Variants in CADPS observed in about 807,000 individuals in gnomAD.
The protein encoded by CADPS is calcium dependent secretion activator.
In CADPS, 57 loss-of-function variants were observed where a neutral mutation model predicts 167.3. That is an observed-to-expected ratio of 0.34 (90% confidence interval 0.28 to 0.42). CADPS has a LOEUF of 0.42. Among genes scored for constraint, CADPS ranks in the 20% least tolerant of loss-of-function variants. The pLI, the probability that CADPS is intolerant of heterozygous loss-of-function variation, is 1.00. For synonymous variants in CADPS, 676 were observed against 635.3 expected (o/e 1.06, Z -0.96); for missense variants, 1,414 against 1,738.1 (o/e 0.81, Z 3.32).
chr3:62,583,492 A>T (rs115186933), intron 8 of CADPS, among the ~76,000 whole-genome samples: 1 of 152,308 alleles, frequency 6.6e-6, no homozygotes, highest in African/African-American at 2.4e-5. Flanking sequence ...GTTGTACTTC[A>T]TCCTGGACAC....
At chr3:62,708,217 C>T (rs1372436140) in intron 3 of CADPS, among the ~76,000 whole-genome samples, 2 of 150,074 alleles carry the variant, frequency 1.3e-5, no homozygotes, top group Non-Finnish European at 2.9e-5. Flanking sequence ...AGCCACTGTG[C>T]CTGGTCTAGC....
chr3:62,493,525 G>C (rs1576786158), intron 19 of CADPS, 120 bp downstream of exon 19: 1 of 693,762 alleles, frequency 1.4e-6, no homozygotes, highest in Non-Finnish European at 2.4e-6. Context: ...AAATGAAAGG[G>C]TTTGTTCAAT....
At chr3:62,434,529 G>A (rs1313652578) in intron 28 of CADPS, among the ~76,000 whole-genome samples, 3 of 152,126 alleles carry the variant, frequency 2.0e-5, no homozygotes, top group South Asian at 2.1e-4. Context: ...CCTAGAGAAT[G>A]CTTGGTTAAA....
At chr3:62,471,491 C>T (rs542336585) in intron 24 of CADPS, among the ~76,000 whole-genome samples, 10 of 152,244 alleles carry the variant, frequency 6.6e-5, no homozygotes, top group Admixed American at 3.3e-4. Context: ...GCAACTCCCA[C>T]GCTCCCACTA....
chr3:62,574,058 G>C (rs1409820413), intron 8 of CADPS, among the ~76,000 whole-genome samples: 1 of 152,136 alleles, frequency 6.6e-6, no homozygotes, highest in East Asian at 1.9e-4. Context: ...AGTTCTTCAA[G>C]CTTTCCTTCC....
intron 9 of CADPS, among the ~76,000 whole-genome samples, chr3:62,567,857 C>T (rs1349435884): frequency 6.6e-6 from 1 of 152,046 alleles, no homozygotes; most frequent in Non-Finnish European, 1.5e-5. Flanking sequence ...TTACAGGCGT[C>T]AGCCACTGCT....
intron 1 of CADPS, among the ~76,000 whole-genome samples, chr3:62,800,306 T>C (rs578120902): frequency 2.0e-5 from 3 of 152,232 alleles, no homozygotes; most frequent in African/African-American, 7.2e-5. Flanking sequence ...ACCATCATCA[T>C]CATCATCATC....
Position 62,568,858 on chromosome 3 carries a change from C to A in CADPS, c.1644+2014G>T, listed in dbSNP as rs114919218. Among the ~76,000 whole-genome samples the A allele has an allele frequency of 6.5e-3, 994 of 152,290 alleles. 5 individuals are homozygous for A. Among genetic ancestry groups the A allele is most frequent in the Non-Finnish European group, 0.01 (706 of 68,036 alleles). On this transcript the variant is annotated intron_variant, in intron 9 of 29. Coordinates refer to ENST00000383710, the MANE Select transcript of CADPS (RefSeq NM_003716.4). ...TTTTTCACAATTCTATGAGTTAACT[C>A]CAAAGCCTTCCATATATTCATTTTT... is the stretch of plus-strand genomic sequence containing the variant.
At chr3:62,640,284 C>T (rs2067161114) in intron 6 of CADPS, among the ~76,000 whole-genome samples, 1 of 152,152 alleles carries the variant, frequency 6.6e-6, no homozygotes, top group African/African-American at 2.4e-5. Flanking sequence ...AAGGAAGCAC[C>T]ATTAAGAAGA....
intron 21 of CADPS, among the ~76,000 whole-genome samples, chr3:62,486,444 CAAA>C (rs1219097343): frequency 4.1e-4 from 26 of 63,954 alleles, no homozygotes; most frequent in Non-Finnish European, 5.7e-4. Context: ...GACTCCGTCT[CAAA>C]AAAAAAAAAA....
At chr3:62,675,889 GTCT>G (rs911854596) in intron 3 of CADPS, among the ~76,000 whole-genome samples, 11 of 152,106 alleles carry the variant, frequency 7.2e-5, no homozygotes, top group African/African-American at 2.6e-4. Flanking sequence ...GCTTTTTAGG[GTCT>G]TCAGAGAAAA....
intron 12 of CADPS, among the ~76,000 whole-genome samples, chr3:62,535,393 A>G (rs1173062856): frequency 6.6e-6 from 1 of 151,798 alleles, no homozygotes; most frequent in African/African-American, 2.4e-5. Context: ...TGTGTTTAAG[A>G]CTATTTTATC....
In CADPS at chr3:62,611,512, C is replaced by G. The variant is rs186284560; in HGVS notation, c.1326-18764G>C. 1.2e-4 allele frequency among the ~76,000 whole-genome samples: 18 copies of G among 152,304 alleles called. No individual in the cohort carries two copies. In the Middle Eastern group the frequency reaches 0.01, roughly 86 times the overall value. On this transcript the variant is annotated intron_variant, in intron 6 of 29. Transcript: ENST00000383710. Reference sequence around the variant, plus strand: ...TTAAAATGTAAGTCAGCTCTCACTACTTTTCTGTTCAAACCCCTCAATGCA... The same window carrying G: ...TTAAAATGTAAGTCAGCTCTCACTAGTTTTCTGTTCAAACCCCTCAATGCA...
In CADPS at chr3:62,458,883, G is replaced by GT. The variant is rs2059009135; in HGVS notation, c.3636+6483dup. On this transcript the variant is annotated intron_variant, in intron 26 of 29. Transcript: ENST00000383710. The surrounding 1 kb of genome is among the most constrained non-coding windows in gnomAD (Gnocchi z 4.6). ...TGTTTGCTTTGAATGATATTCAGCT[G>GT]TTCACTACACAATATTAAGTGAAAT... is the stretch of plus-strand genomic sequence containing the variant. 6.6e-6 allele frequency among the ~76,000 whole-genome samples: 1 copy of GT among 152,206 alleles called. No homozygotes were observed. Among genetic ancestry groups the GT allele is most frequent in the African/African-American group, 2.4e-5 (1 of 41,442 alleles).
At chr3:62,542,913 G>T (rs1170129384) in intron 11 of CADPS, among the ~76,000 whole-genome samples, 2 of 152,100 alleles carry the variant, frequency 1.3e-5, no homozygotes, top group Non-Finnish European at 2.9e-5. Context: ...TTAACTTACA[G>T]AGTACTCGAT....
rs938347374 is a variant in CADPS, at chr3:62,514,537, A to C, written c.2581+1522T>G. Among the ~76,000 whole-genome samples the C allele has an allele frequency of 1.3e-5, 2 of 152,168 alleles. No homozygotes were observed. The highest frequency in any genetic ancestry group is 4.8e-5 in the African/African-American group (2 of 41,456). ...TCACAGTGCAAAAGATAATTAACACAACCAAGAAGAATTGAGGCACAAAAG... is the reference window on the plus strand; with the variant it reads ...TCACAGTGCAAAAGATAATTAACACCACCAAGAAGAATTGAGGCACAAAAG... On this transcript the variant is annotated intron_variant, in intron 16 of 29. Transcript: ENST00000383710. The surrounding 1 kb of genome is among the most constrained non-coding windows in gnomAD (Gnocchi z 4.2).
intron 1 of CADPS, among the ~76,000 whole-genome samples, chr3:62,785,118 G>T (rs900591888): frequency 2.0e-5 from 3 of 150,694 alleles, no homozygotes; most frequent in Non-Finnish European, 4.4e-5. Context: ...TAACCATGAA[G>T]TGATCATTAA....
At chr3:62,471,069 A>C (rs1027816582) in intron 24 of CADPS, among the ~76,000 whole-genome samples, 2 of 152,212 alleles carry the variant, frequency 1.3e-5, no homozygotes, top group African/African-American at 2.4e-5. Flanking sequence ...GACTTTATTT[A>C]ATACCCAATT....
intron 1 of CADPS, among the ~76,000 whole-genome samples, chr3:62,810,826 T>C (rs575778359): frequency 3.9e-5 from 6 of 152,318 alleles, no homozygotes; most frequent in Admixed American, 2.0e-4. Context: ...ATTAGGGCGA[T>C]TGTGAGGGCG....
Sources: gnomAD v4.1 joint callset for allele counts (sites outside exome capture counted in the v4.1 genomes callset) on GRCh38, gnomAD v4.1.1 for gene constraint, Gnocchi (gnomAD v3.1) non-coding constraint, MANE v1.5 for transcripts, NCBI Gene and HGNC (gene_info 2026-07-23, HGNC 2026-07-21) for gene names.